The following CCSAP variants were observed in gnomAD, a reference collection of about 807,000 sequenced individuals.
CCSAP encodes centriole, cilia and spindle associated protein, also known as centriole, cilia and spindle-associated protein.
CCSAP carries 17 observed loss-of-function variants against 25.9 expected under a neutral mutation model. The ratio of observed to expected loss-of-function variants is 0.66; its 90% CI spans 0.45 to 0.99. The LOEUF (loss-of-function observed/expected upper bound fraction) is 0.99, where lower values mean the gene tolerates loss of function less well. CCSAP is among the 50% of genes least tolerant of loss of function. The probability of loss-of-function intolerance (pLI) is 0.00; values close to 1 mark genes in which losing one functional copy is unlikely to be tolerated. For missense variants in CCSAP, 339 were observed against 367.8 expected (o/e 0.92, Z 0.64); for synonymous variants, 169 against 157.1 (o/e 1.08, Z -0.57).
chr1:229,327,557 C>A (rs1558249181), intron 2 of CCSAP: 1 of 456,262 alleles, frequency 2.2e-6, no homozygotes. Context: ...GCCAGGCATT[C>A]CCTGTGGGAA....
At position 229,333,167 on chromosome 1, in the gene CCSAP, T is replaced by C. The variant is rs950015594; in HGVS notation, c.368-6161A>G. ...ACATTTCTAGGCCGGGCGCGGTGGC[T>C]CACGCCTATAATCCCAGCACTTTGG... On this transcript the variant is annotated intron_variant, in intron 2 of 3. Coordinates refer to ENST00000284617, the MANE Select transcript of CCSAP (RefSeq NM_145257.5). 7.9e-5 allele frequency among the ~76,000 whole-genome samples: 12 copies of C among 152,274 alleles called. No individual in the cohort carries two copies. In the South Asian group the frequency reaches 1.5e-3, roughly 18 times the overall value.
chr1:229,329,793 C>G (rs1376703386), intron 2 of CCSAP, among the ~76,000 whole-genome samples: 1 of 152,120 alleles, frequency 6.6e-6, no homozygotes, highest in Non-Finnish European at 1.5e-5. Context: ...GAGTTTGAGA[C>G]CAGCCTGACC....
intron 2 of CCSAP, among the ~76,000 whole-genome samples, chr1:229,336,839 A>AT (rs912903017): frequency 5.9e-5 from 9 of 151,742 alleles, no homozygotes; most frequent in Admixed American, 2.0e-4. Context: ...ACAGAATGCT[A>AT]TTTTTTTTAA....
chr1:229,333,043 A>G (rs1465698249), intron 2 of CCSAP, among the ~76,000 whole-genome samples: 1 of 152,244 alleles, frequency 6.6e-6, no homozygotes, highest in African/African-American at 2.4e-5. Flanking sequence ...ATATTTACAA[A>G]ATTGAAATTA....
intron 2 of CCSAP, among the ~76,000 whole-genome samples, chr1:229,330,133 G>GGACA (rs542571072): frequency 1.3e-5 from 2 of 152,082 alleles, no homozygotes; most frequent in Non-Finnish European, 2.9e-5. Context: ...ACTGACAGGT[G>GGACA]GACAGACAGA....
chr1:229,332,444 G>T (rs1428706762), intron 2 of CCSAP, among the ~76,000 whole-genome samples: 1 of 152,198 alleles, frequency 6.6e-6, no homozygotes, highest in Non-Finnish European at 1.5e-5. Flanking sequence ...AGTCTGTGTT[G>T]ATTGTTGTTG....
Position 229,342,595 on chromosome 1 carries a change from C to T in CCSAP, c.-48-82G>A, listed in dbSNP as rs1658366684. 3.4e-6 allele frequency: 2 copies of T among 580,280 alleles called. No homozygotes were observed. Among genetic ancestry groups the T allele is most frequent in the Non-Finnish European group, 2.5e-6 (1 of 395,244 alleles). The allele number at this position is 580,280 out of a possible 1,614,324, so 35.9% of individuals were successfully genotyped here. On this transcript the variant is annotated intron_variant, in intron 1 of 3. Coordinates refer to ENST00000284617, the MANE Select transcript of CCSAP (RefSeq NM_145257.5). The surrounding 1 kb of genome is among the most constrained non-coding windows in gnomAD (Gnocchi z 7.5). ...GCCGCGACGTTTAAACCCGGAGCCC[C>T]GCCCGGACGGGAGCAGGGGGCGGGT...
chr1:229,334,487 T>C (rs1658150089), intron 2 of CCSAP, among the ~76,000 whole-genome samples: 1 of 151,606 alleles, frequency 6.6e-6, no homozygotes, highest in South Asian at 2.1e-4. Flanking sequence ...GAAATGAACA[T>C]ATCAAAAAAG....
chr1:229,339,722 T>C (rs1292306405), intron 2 of CCSAP, among the ~76,000 whole-genome samples: 1 of 151,398 alleles, frequency 6.6e-6, no homozygotes, highest in South Asian at 2.1e-4. Context: ...ATGACAAGAG[T>C]GATAGTGAAC....
intron 2 of CCSAP, among the ~76,000 whole-genome samples, chr1:229,332,582 T>C (rs188085728): frequency 8.5e-5 from 13 of 152,342 alleles, no homozygotes; most frequent in Admixed American, 3.3e-4. Flanking sequence ...CCACCAGTTA[T>C]GGTGGAAGAT....
At chr1:229,337,678 A>AAAAAAAAATATATATATATATATATAT in intron 2 of CCSAP, among the ~76,000 whole-genome samples, 1 of 65,548 alleles carries the variant, frequency 1.5e-5, no homozygotes, top group African/African-American at 6.0e-5. Context: ...CTCAAAAAAA[A>AAAAAAAAATATATATATATATATATAT]ATATATATAT....
chr1:229,341,974 A>C, intron 2 of CCSAP, 125 bp downstream of exon 2: 1 of 1,175,634 alleles, frequency 8.5e-7, no homozygotes, highest in South Asian at 4.4e-5. Flanking sequence ...GGATTCTGTC[A>C]ACCGAAAAAA....
Position 229,321,656 on chromosome 1 carries a change from A to G in CCSAP, c.*3579T>C, listed in dbSNP as rs1657826065. 1 of 152,246 alleles carries G rather than the reference A, an allele frequency of 6.6e-6. No individual in the cohort carries two copies. Among genetic ancestry groups the G allele is most frequent in the Non-Finnish European group, 1.5e-5 (1 of 68,038 alleles). The allele number at this position is 152,246 out of a possible 1,614,324, so 9.4% of individuals were successfully genotyped here. ...ACCATTTTTTATCTAGTCCAGTGAA[A>G]TGTAAAACTATCCATCAAACTGTTT... On this transcript the variant is annotated 3_prime_UTR_variant, in exon 4 of 4. Coordinates refer to ENST00000284617, the MANE Select transcript of CCSAP (RefSeq NM_145257.5).
chr1:229,326,890 C>A lies in CCSAP; in HGVS notation c.484G>T (p.Gly162Ter). 1 of 1,614,114 alleles carries A rather than the reference C, an allele frequency of 6.2e-7. No homozygotes were observed. Among genetic ancestry groups the A allele is most frequent in the Non-Finnish European group, 8.5e-7 (1 of 1,180,040 alleles). ...RQQPSALFAR[G>*]NRKAVKSPQR... Reference sequence around the variant, plus strand: ...GGACTTTTGACCGCTTTCCTGTTTCCTCTAGCAAATAAGGCACTTGGTTGC... The same window carrying A: ...GGACTTTTGACCGCTTTCCTGTTTCATCTAGCAAATAAGGCACTTGGTTGC... The change falls in exon 3 of 4, where the codon GGA becomes TGA. Residue 162 changes from glycine (G) to a stop codon, truncating the protein, a stop_gained. Coordinates refer to ENST00000284617, the MANE Select transcript of CCSAP (RefSeq NM_145257.5). LOFTEE classifies it high-confidence loss of function.
intron 2 of CCSAP, chr1:229,327,698 T>C: frequency 2.5e-6 from 1 of 401,122 alleles, no homozygotes; most frequent in Non-Finnish European, 4.9e-6. Context: ...TGAAACCCCG[T>C]CTCTACTAAA....
chr1:229,325,119 CT>C lies in CCSAP; in HGVS notation c.*115del. ...CTTTTACAAATTCCCTAAAAAAAAC[CT>C]TGCATAATCAGTTGGTTTCTTAAAC... On this transcript the variant is annotated 3_prime_UTR_variant, in exon 4 of 4. Transcript: ENST00000284617. 3 of 1,038,370 alleles carry C rather than the reference CT, an allele frequency of 2.9e-6. No homozygotes were observed. The highest frequency in any genetic ancestry group is 4.1e-6 in the Non-Finnish European group (3 of 728,104). The allele number at this position is 1,038,370 out of a possible 1,614,324, so 64.3% of individuals were successfully genotyped here. A position where few individuals can be genotyped will look rare whatever the true frequency, so the allele number is the denominator to read the frequency against.
Position 229,321,639 on chromosome 1 carries a change from T to G in CCSAP, c.*3596A>C, listed in dbSNP as rs1419190613. ...GCTACATAAATATTAGCACCATTTT[T>G]TATCTAGTCCAGTGAAATGTAAAAC... On this transcript the variant is annotated 3_prime_UTR_variant, in exon 4 of 4. Transcript: ENST00000284617. The G allele has an allele frequency of 6.6e-6, 1 of 152,248 alleles. No homozygotes were observed. Among genetic ancestry groups the G allele is most frequent in the African/African-American group, 2.4e-5 (1 of 41,462 alleles). 9.4% of individuals were successfully genotyped at this position (152,248 alleles called of 1,614,324 possible). A position where few individuals can be genotyped will look rare whatever the true frequency, so the allele number is the denominator to read the frequency against.
chr1:229,338,734 A>G (rs762129881), intron 2 of CCSAP, among the ~76,000 whole-genome samples: 1 of 152,088 alleles, frequency 6.6e-6, no homozygotes, highest in Non-Finnish European at 1.5e-5. Context: ...GAAACACAGA[A>G]AGAGAAGAAA....
In CCSAP at chr1:229,342,684, A is replaced by G. The variant is rs1367536815; in HGVS notation, c.-48-171T>C. ...TCACCCGGCGGCCGGGACCAAGAGCAGAGGCGGGGACCGGGGCTGCTGGGG... is the reference window on the plus strand; with the variant it reads ...TCACCCGGCGGCCGGGACCAAGAGCGGAGGCGGGGACCGGGGCTGCTGGGG... On this transcript the variant is annotated intron_variant, in intron 1 of 3. Transcript: ENST00000284617. This position sits in a 1 kb window ranked among gnomAD's most constrained non-coding sequence, Gnocchi z 7.5. 2.6e-5 allele frequency among the ~76,000 whole-genome samples: 4 copies of G among 151,890 alleles called. No individual in the cohort carries two copies. The highest frequency in any genetic ancestry group is 5.9e-5 in the Non-Finnish European group (4 of 67,912).
Sources: allele counts gnomAD v4.1 joint callset (sites outside exome capture counted in the v4.1 genomes callset), GRCh38; gene constraint gnomAD v4.1.1; non-coding constraint Gnocchi (gnomAD v3.1); transcripts MANE v1.5; gene names NCBI Gene and HGNC (gene_info 2026-07-23, HGNC 2026-07-21).